The following PLCB1 variants were observed in gnomAD, a reference collection of about 807,000 sequenced individuals.
PLCB1 encodes the protein 1-phosphatidylinositol 4,5-bisphosphate phosphodiesterase beta-1.
Under a neutral mutation model 161.8 loss-of-function variants are expected in PLCB1, and 46 were observed. The ratio of observed to expected loss-of-function variants is 0.28; its 90% CI spans 0.22 to 0.36. The LOEUF is 0.36. Ranked by LOEUF, PLCB1 falls within the 10% of genes least tolerant of loss-of-function variation. The pLI, the probability that PLCB1 is intolerant of heterozygous loss-of-function variation, is 1.00. For synonymous variants in PLCB1, 517 were observed against 503.7 expected (o/e 1.03, Z -0.35); for missense variants, 1,016 against 1,472.5 (o/e 0.69, Z 5.07).
chr20:8,161,838 A>G (rs1407070089), intron 2 of PLCB1, among the ~76,000 whole-genome samples: 1 of 151,926 alleles, frequency 6.6e-6, no homozygotes, highest in Non-Finnish European at 1.5e-5. Flanking sequence ...GCCAAGGTGA[A>G]CACAGATAGA....
chr20:8,513,238 C>A (rs1983968780), intron 3 of PLCB1, among the ~76,000 whole-genome samples: 1 of 152,140 alleles, frequency 6.6e-6, no homozygotes, highest in African/African-American at 2.4e-5. Context: ...TGGACATATT[C>A]TTTAATCTTT....
intron 3 of PLCB1, among the ~76,000 whole-genome samples, chr20:8,449,509 T>C (rs1980979270): frequency 6.6e-6 from 1 of 152,098 alleles, no homozygotes; most frequent in African/African-American, 2.4e-5. Flanking sequence ...CAACTCAGAA[T>C]TAAGAGAGAA....
intron 2 of PLCB1, among the ~76,000 whole-genome samples, chr20:8,198,219 G>A (rs1292674282): frequency 6.6e-6 from 1 of 152,090 alleles, no homozygotes; most frequent in African/African-American, 2.4e-5. Flanking sequence ...AGCTTGATGG[G>A]GATGGCATTG....
At position 8,684,041 on chromosome 20, in the gene PLCB1, A is replaced by G. The variant is rs547637614; in HGVS notation, c.863-891A>G. 5.3e-4 allele frequency among the ~76,000 whole-genome samples: 80 copies of G among 150,046 alleles called. No homozygotes were observed. The South Asian group carries it at 5.9e-3, about 11-fold the overall frequency. On this transcript the variant is annotated intron_variant, in intron 9 of 31. Coordinates refer to ENST00000338037, the MANE Select transcript of PLCB1 (RefSeq NM_015192.4). ...TGGGACTGCAGGCACCCGCCACCAC[A>G]CCCGGCTAATTTTTCTGTATTTTTA... is the stretch of plus-strand genomic sequence containing the variant.
intron 31 of PLCB1, among the ~76,000 whole-genome samples, chr20:8,866,996 C>A (rs140248541): frequency 1.3e-5 from 2 of 152,276 alleles, no homozygotes; most frequent in African/African-American, 4.8e-5. Context: ...GCTAACCACT[C>A]TTGAAATATA....
intron 3 of PLCB1, among the ~76,000 whole-genome samples, chr20:8,458,473 T>C (rs569011151): frequency 3.6e-4 from 55 of 152,302 alleles, no homozygotes; most frequent in African/African-American, 1.3e-3. Context: ...CCTTTCTTAA[T>C]GGGTAGAAAA....
intron 2 of PLCB1, among the ~76,000 whole-genome samples, chr20:8,252,987 G>A (rs959910664): frequency 1.3e-5 from 2 of 151,848 alleles, no homozygotes; most frequent in African/African-American, 4.8e-5. Context: ...TCTTAATAAT[G>A]CCCATTCTCA....
At chr20:8,733,132 GA>G in intron 18 of PLCB1, 105 bp from the exon 19 acceptor site, 1 of 1,130,724 alleles carries the variant, frequency 8.8e-7, no homozygotes, top group Non-Finnish European at 1.3e-6. Flanking sequence ...TCTTCCAAGG[GA>G]ATACAGTCAC....
At chr20:8,741,636 T>G (rs547291117) in intron 23 of PLCB1, 63 bp downstream of exon 23, 1 of 1,032,308 alleles carries the variant, frequency 9.7e-7, no homozygotes, top group African/African-American at 1.6e-5. Context: ...ACTTGTTGGC[T>G]TTGCCTAAGT....
Position 8,233,258 on chromosome 20 carries a change from G to T in PLCB1, c.177+82887G>T, listed in dbSNP as rs554217035. ...TTCATCAATTGCTGGTCATCTAATGGGAATAATAATGAAGCAAAAACATGA... is the reference window on the plus strand; with the variant it reads ...TTCATCAATTGCTGGTCATCTAATGTGAATAATAATGAAGCAAAAACATGA... On this transcript the variant is annotated intron_variant, in intron 2 of 31. Coordinates refer to ENST00000338037, the MANE Select transcript of PLCB1 (RefSeq NM_015192.4). Among the ~76,000 whole-genome samples, 19 of 152,176 alleles carry T rather than the reference G, an allele frequency of 1.2e-4. 1 individual carries two copies. In the South Asian group the frequency reaches 3.9e-3, roughly 32 times the overall value.
intron 10 of PLCB1, among the ~76,000 whole-genome samples, chr20:8,694,857 A>G (rs1990552670): frequency 6.6e-6 from 1 of 152,246 alleles, no homozygotes; most frequent in Non-Finnish European, 1.5e-5. Context: ...AGGAGCAAGC[A>G]TTTTAAATTA....
intron 2 of PLCB1, among the ~76,000 whole-genome samples, chr20:8,308,234 C>T (rs1482193593): frequency 6.6e-6 from 1 of 152,034 alleles, no homozygotes; most frequent in East Asian, 1.9e-4. Context: ...TTAATAAACA[C>T]ATATATAGCA....
At chr20:8,720,701 C>T (rs2123474148) in intron 14 of PLCB1, among the ~76,000 whole-genome samples, 1 of 152,200 alleles carries the variant, frequency 6.6e-6, no homozygotes, top group East Asian at 1.9e-4. Context: ...TAAAGAAAGA[C>T]AAATTCTTTC....
chr20:8,735,663 A>G (rs1340550865), intron 19 of PLCB1, among the ~76,000 whole-genome samples: 1 of 152,240 alleles, frequency 6.6e-6, no homozygotes, highest in African/African-American at 2.4e-5. Context: ...CATCTTAAAC[A>G]TACAACATCT....
chr20:8,821,772 G>T (rs1985437608), intron 31 of PLCB1, among the ~76,000 whole-genome samples: 1 of 151,862 alleles, frequency 6.6e-6, no homozygotes, highest in South Asian at 2.1e-4. Context: ...GTCAGAAGGT[G>T]TCAAGTCCTA....
At chr20:8,549,785 G>C (rs1164673293) in intron 3 of PLCB1, among the ~76,000 whole-genome samples, 1 of 152,228 alleles carries the variant, frequency 6.6e-6, no homozygotes, top group Middle Eastern at 3.4e-3. Context: ...TGCCCAGGCT[G>C]GTGTCAAACT....
chr20:8,744,669 T>A lies in PLCB1; in HGVS notation c.2523+3096T>A, dbSNP rs559058979. On this transcript the variant is annotated intron_variant, in intron 23 of 31. Transcript: ENST00000338037. ...ATAAAATAAAATAAAAAAATAAAATTGTTTGTAAATATTTCCTGATTCAGT... is the reference window on the plus strand; with the variant it reads ...ATAAAATAAAATAAAAAAATAAAATAGTTTGTAAATATTTCCTGATTCAGT... 6.7e-3 allele frequency among the ~76,000 whole-genome samples: 477 copies of A among 71,592 alleles called. 8 individuals are homozygous for A. Among genetic ancestry groups the A allele is most frequent in the Middle Eastern group, 0.022 (3 of 136 alleles). 47.0% of individuals were successfully genotyped at this position (71,592 alleles called of 152,430 possible). A position where few individuals can be genotyped will look rare whatever the true frequency, so the allele number is the denominator to read the frequency against.
In PLCB1 at chr20:8,854,553, G is replaced by A. The variant is rs564813140; in HGVS notation, c.3424-27069G>A. 4.4e-4 allele frequency among the ~76,000 whole-genome samples: 67 copies of A among 152,190 alleles called. 1 individual carries two copies. The highest frequency in any genetic ancestry group is 1.6e-3 in the African/African-American group (66 of 41,532). On this transcript the variant is annotated intron_variant, in intron 31 of 31. Coordinates refer to ENST00000338037, the MANE Select transcript of PLCB1 (RefSeq NM_015192.4). ...ACAGAATGGAGATGTGTTGTTTTTT[G>A]CAAGGGGAGGGGAGTAGGGAAATTA...
intron 3 of PLCB1, among the ~76,000 whole-genome samples, chr20:8,566,239 C>T (rs1050138036): frequency 9.2e-5 from 14 of 152,262 alleles, no homozygotes; most frequent in Non-Finnish European, 1.6e-4. Context: ...GCCTTATCAA[C>T]AGGTGGAAAC....
Sources: gnomAD v4.1 joint callset for allele counts (sites outside exome capture counted in the v4.1 genomes callset) on GRCh38, gnomAD v4.1.1 for gene constraint, MANE v1.5 for transcripts, NCBI Gene and HGNC (gene_info 2026-07-23, HGNC 2026-07-21) for gene names.